The following PTPRN2 variants were observed in gnomAD, a reference collection of about 807,000 sequenced individuals.
PTPRN2 encodes the protein protein tyrosine phosphatase receptor type N2, also known as receptor-type tyrosine-protein phosphatase N2.
A neutral mutation model predicts 118.8 loss-of-function variants in PTPRN2; 74 were observed. The observed-to-expected ratio is 0.62, with a 90% CI of 0.52 to 0.76. The LOEUF is 0.76. Ranked by LOEUF, PTPRN2 falls within the 30% of genes least tolerant of loss-of-function variation. PTPRN2 has a pLI of 0.00. For synonymous variants in PTPRN2, 641 were observed against 608.0 expected (o/e 1.05, Z -0.80); for missense variants, 1,481 against 1,394.4 (o/e 1.06, Z -0.99).
intron 4 of PTPRN2, among the ~76,000 whole-genome samples, chr7:158,195,462 G>A (rs967319253): frequency 6.6e-6 from 1 of 151,962 alleles, no homozygotes; most frequent in Non-Finnish European, 1.5e-5. Context: ...GGCTTATTGA[G>A]CTTTCTGGCT....
Position 157,972,200 on chromosome 7 carries a change from G to T in PTPRN2, c.1724-73463C>A, listed in dbSNP as rs142049740. Among the ~76,000 whole-genome samples the T allele has an allele frequency of 1.1e-3, 165 of 152,326 alleles. 1 individual carries two copies. Among genetic ancestry groups the T allele is most frequent in the Admixed American group, 0.011 (161 of 15,306 alleles). ...GGCGTTCACTAGAACAGGTTCTCTG[G>T]CACCCAGCATGCCAAGGTCCTAACG... On this transcript the variant is annotated intron_variant, in intron 11 of 22. Transcript: ENST00000389418.
intron 2 of PTPRN2, among the ~76,000 whole-genome samples, chr7:158,480,341 C>T (rs565050042): frequency 1.3e-5 from 2 of 152,284 alleles, no homozygotes; most frequent in African/African-American, 4.8e-5. Context: ...AGACAGTGAG[C>T]ATAACTGATC....
At chr7:157,546,750 C>G (rs967062965) in intron 22 of PTPRN2, among the ~76,000 whole-genome samples, 1 of 152,176 alleles carries the variant, frequency 6.6e-6, no homozygotes, top group African/African-American at 2.4e-5. Context: ...GAACGGAAGA[C>G]CTGGCATGTA....
intron 2 of PTPRN2, among the ~76,000 whole-genome samples, chr7:158,432,424 C>A (rs768654824): frequency 6.6e-6 from 1 of 152,176 alleles, no homozygotes; most frequent in Admixed American, 6.5e-5. Context: ...GAAAATGTAA[C>A]CTCTGTGTCG....
At chr7:157,835,974 T>C (rs1807905549) in intron 12 of PTPRN2, among the ~76,000 whole-genome samples, 1 of 152,136 alleles carries the variant, frequency 6.6e-6, no homozygotes, top group African/African-American at 2.4e-5. Flanking sequence ...CAAGCAACGT[T>C]AGACACAGAC....
At chr7:157,793,189 C>A (rs1031306274) in intron 12 of PTPRN2, among the ~76,000 whole-genome samples, 1 of 152,146 alleles carries the variant, frequency 6.6e-6, no homozygotes, top group Non-Finnish European at 1.5e-5. Flanking sequence ...GGCACCCAGC[C>A]GAGAGTCCCC....
chr7:157,994,547 A>AAAAAAATC lies in PTPRN2; in HGVS notation c.1723+86750_1723+86751insGATTTTTT, dbSNP rs1554509675. ...CCCCAGCTTACAGCTCCTTGTTCCT[A>AAAAAAATC]AAATCAGCACCGCGTCCCCAGCTTA... On this transcript the variant is annotated intron_variant, in intron 11 of 22. Coordinates refer to ENST00000389418, the MANE Select transcript of PTPRN2 (RefSeq NM_002847.5). 5.3e-3 allele frequency among the ~76,000 whole-genome samples: 68 copies of AAAAAAATC among 12,796 alleles called. 3 individuals are homozygous for AAAAAAATC. The highest frequency in any genetic ancestry group is 0.012 in the Admixed American group (11 of 932). 8.4% of individuals were successfully genotyped at this position (12,796 alleles called of 152,430 possible).
At chr7:157,601,689 C>T (rs113857520) in intron 16 of PTPRN2, among the ~76,000 whole-genome samples, 71 of 152,368 alleles carry the variant, frequency 4.7e-4, no homozygotes, top group Middle Eastern at 3.4e-3. Flanking sequence ...CTGCTGCCCA[C>T]GCTGGGGCTT....
chr7:157,951,966 T>C (rs1800840731), intron 11 of PTPRN2, among the ~76,000 whole-genome samples: 1 of 152,202 alleles, frequency 6.6e-6, no homozygotes, highest in African/African-American at 2.4e-5. Flanking sequence ...CTGATCCTGC[T>C]GCTCTGATGC....
chr7:158,259,427 G>A (rs1586014642), intron 3 of PTPRN2, among the ~76,000 whole-genome samples: 1 of 152,328 alleles, frequency 6.6e-6, no homozygotes, highest in East Asian at 1.9e-4. Flanking sequence ...GCAGGGAAGA[G>A]TGACATCACA....
At chr7:158,075,608 C>G (rs1812290331) in intron 11 of PTPRN2, among the ~76,000 whole-genome samples, 1 of 152,222 alleles carries the variant, frequency 6.6e-6, no homozygotes, top group Non-Finnish European at 1.5e-5. Flanking sequence ...CCCTCCACTT[C>G]TTCATCTTTT....
At chr7:157,858,143 AGCCCC>A in intron 12 of PTPRN2, among the ~76,000 whole-genome samples, 1 of 53,362 alleles carries the variant, frequency 1.9e-5, no homozygotes, top group Non-Finnish European at 3.7e-5. Flanking sequence ...CTGCAGGGAG[AGCCCC>A]GTCACCACCC....
At chr7:158,343,885 C>A (rs1394809707) in intron 2 of PTPRN2, among the ~76,000 whole-genome samples, 1 of 151,324 alleles carries the variant, frequency 6.6e-6, no homozygotes, top group African/African-American at 2.4e-5. Flanking sequence ...CAGGTAAAGG[C>A]TTCCATGGAG....
chr7:157,972,063 G>C (rs555490385), intron 11 of PTPRN2, among the ~76,000 whole-genome samples: 1 of 152,160 alleles, frequency 6.6e-6, no homozygotes, highest in Non-Finnish European at 1.5e-5. Flanking sequence ...AGGGCAAATC[G>C]TGCGCTGCCT....
chr7:158,532,888 C>T, intron 1 of PTPRN2: 1 of 501,638 alleles, frequency 2.0e-6, no homozygotes, highest in South Asian at 1.5e-5. Context: ...CTTGATGGCT[C>T]AGGGACGGCC....
intron 13 of PTPRN2, among the ~76,000 whole-genome samples, chr7:157,666,431 T>C (rs1010086227): frequency 2.0e-5 from 3 of 151,760 alleles, no homozygotes; most frequent in African/African-American, 7.3e-5. Flanking sequence ...GTCATCTCCA[T>C]AGTAAAATAT....
chr7:158,082,404 G>C (rs988510148), intron 10 of PTPRN2, among the ~76,000 whole-genome samples: 2 of 152,186 alleles, frequency 1.3e-5, no homozygotes. Context: ...CTCTGCTCAT[G>C]ATACCTCAGT....
intron 11 of PTPRN2, among the ~76,000 whole-genome samples, chr7:158,009,287 C>T (rs1169441530): frequency 6.6e-6 from 1 of 152,030 alleles, no homozygotes; most frequent in African/African-American, 2.4e-5. Context: ...TTCTGAGGCA[C>T]GATTATACAC....
At chr7:157,979,961 T>C (rs1228629108) in intron 11 of PTPRN2, among the ~76,000 whole-genome samples, 2 of 152,176 alleles carry the variant, frequency 1.3e-5, no homozygotes, top group Non-Finnish European at 2.9e-5. Flanking sequence ...CGGGGTAGTG[T>C]GTTGTATAGC....
Sources: allele counts gnomAD v4.1 joint callset (sites outside exome capture counted in the v4.1 genomes callset), GRCh38; gene constraint gnomAD v4.1.1; transcripts MANE v1.5; gene names NCBI Gene and HGNC (gene_info 2026-07-23, HGNC 2026-07-21).